CD1E: variants seen among roughly 807,000 people sequenced by gnomAD.
The protein encoded by CD1E is T-cell surface glycoprotein CD1e, membrane-associated.
A neutral mutation model predicts 40.1 loss-of-function variants in CD1E; 49 were observed. That is an observed-to-expected ratio of 1.22 (90% CI 0.97 to 1.55). CD1E has a LOEUF of 1.55. Among genes scored for constraint, CD1E ranks in the 40% most tolerant of loss-of-function variants. The pLI is 0.00. For synonymous variants in CD1E, 189 were observed against 178.3 expected (o/e 1.06, Z -0.48); for missense variants, 492 against 471.3 (o/e 1.04, Z -0.41).
chr1:158,354,504 G>T lies in CD1E; in HGVS notation c.186G>T (p.Leu62=), dbSNP rs1023975170. Residue 62 remains leucine (L), a synonymous_variant, in exon 2 of 6, where the codon CTG becomes CTT. Transcript: ENST00000368167. ...HSEGSGWLGD[L]QTHGWDTVLG... is the part of the protein sequence containing the mutation. ...AGGGCTCAGGATGGCTGGGTGACCT[G>T]CAGACTCATGGCTGGGACACTGTCT... 1.2e-6 allele frequency: 2 copies of T among 1,614,134 alleles called. No homozygotes were observed. The highest frequency in any genetic ancestry group is 2.7e-5 in the African/African-American group (2 of 75,036).
Position 158,356,924 on chromosome 1 carries a change from C to T in CD1E, c.*28C>T, listed in dbSNP as rs751930883. On this transcript the variant is annotated 3_prime_UTR_variant, in exon 6 of 6. Transcript: ENST00000368167. ...TTTGCTTTACCTTATACATAAAATC[C>T]TTGTCTGCATCTTCTTAAACACCGT... The T allele has an allele frequency of 1.3e-6, 2 of 1,595,402 alleles. No individual in the cohort carries two copies. Among genetic ancestry groups the T allele is most frequent in the East Asian group, 2.2e-5 (1 of 44,782 alleles).
chr1:158,356,835 T>G lies in CD1E; in HGVS notation c.1106T>G (p.Val369Gly). Residue 369 changes from valine (V) to glycine (G), a missense_variant, in exon 6 of 6, where the codon GTA becomes GGA. By Grantham distance (109) the Val-to-Gly change is moderately radical (BLOSUM62 -3). Transcript: ENST00000368167. Reference protein sequence around the residue: ...NSRHQFCLAQVSWIKNRVLKK... With the variant: ...NSRHQFCLAQGSWIKNRVLKK... ...AGACATCAGTTCTGCTTGGCACAAGTATCGTGGATCAAAAACAGAGTATTG... is the reference window on the plus strand; with the variant it reads ...AGACATCAGTTCTGCTTGGCACAAGGATCGTGGATCAAAAACAGAGTATTG... 1 of 1,614,040 alleles carries G rather than the reference T, an allele frequency of 6.2e-7. No homozygotes were observed. The highest frequency in any genetic ancestry group is 1.1e-5 in the South Asian group (1 of 91,066).
rs1290827450 is a variant in CD1E at position 158,355,521 on chromosome 1, T to C, written c.577T>C (p.Phe193Leu). 2 of 1,614,110 alleles carry C rather than the reference T, an allele frequency of 1.2e-6. No homozygotes were observed. Among genetic ancestry groups the C allele is most frequent in the Admixed American group, 1.7e-5 (1 of 60,018 alleles). ...QSLLGHTCPR[F>L]LAGLMEAGES... The stretch of plus-strand genomic sequence containing the variant: ...CCTTCTTGGTCACACCTGCCCTCGA[T>C]TTCTAGCGGGGCTCATGGAAGCAGG... The change falls in exon 3 of 6, where the codon TTT becomes CTT. Residue 193 changes from phenylalanine to leucine, a missense_variant. Transcript: ENST00000368167.
intron 1 of CD1E, 23 bp downstream of exon 1, chr1:158,354,069 GATACCT>G: frequency 6.2e-7 from 1 of 1,605,938 alleles, no homozygotes; most frequent in South Asian, 1.1e-5. Context: ...CAGGTGGAAA[GATACCT>G]ATGGTAGGGC....
chr1:158,355,775 G>C, intron 3 of CD1E, 52 bp from the exon 4 acceptor site: 3 of 1,552,722 alleles, frequency 1.9e-6, no homozygotes, highest in Non-Finnish European at 2.6e-6. Context: ...TCTGAGCTCT[G>C]GCCTGGGGTG....
At position 158,355,544 on chromosome 1, in the gene CD1E, A is replaced by G. The variant is rs1249132306; in HGVS notation, c.600A>G (p.Ala200=). 8 of 1,613,938 alleles carry G rather than the reference A, an allele frequency of 5.0e-6. No individual in the cohort carries two copies. In the African/African-American group the frequency reaches 9.3e-5, roughly 19 times the overall value. The change falls in exon 3 of 6, where the codon GCA becomes GCG. Residue 200 remains alanine (A), a synonymous_variant. Transcript: ENST00000368167. Reference sequence around the variant, plus strand: ...GATTTCTAGCGGGGCTCATGGAAGCAGGGGAGTCAGAACTGAAACGGAAAG... The same window carrying G: ...GATTTCTAGCGGGGCTCATGGAAGCGGGGGAGTCAGAACTGAAACGGAAAG... ...CPRFLAGLME[A]GESELKRKVK...
Position 158,353,945 on chromosome 1 carries a change from G to T in CD1E, c.-44G>T. The T allele has an allele frequency of 6.8e-7, 1 of 1,471,428 alleles. No individual in the cohort carries two copies. Among genetic ancestry groups the T allele is most frequent in the Non-Finnish European group, 9.5e-7 (1 of 1,050,006 alleles). 91.1% of individuals were successfully genotyped at this position (1,471,428 alleles called of 1,614,324 possible). ...AGGGGTACTGATATCTGAATTATTA[G>T]GGCAGGTGTCCTGCCAAGGAATCCC... On this transcript the variant is annotated 5_prime_UTR_variant, in exon 1 of 6. The change creates a new upstream start codon in the 5' untranslated region. Coordinates refer to ENST00000368167, the MANE Select transcript of CD1E (RefSeq NM_030893.4).
chr1:158,355,024 T>G lies in CD1E; in HGVS notation c.356-276T>G, dbSNP rs950632628. On this transcript the variant is annotated intron_variant, in intron 2 of 5. Coordinates refer to ENST00000368167, the MANE Select transcript of CD1E (RefSeq NM_030893.4). ...GCCTGAGTGTTGACATGGACTGGCC[T>G]GTACCTAACCACTTTCACGTGAATT... 5.3e-5 allele frequency among the ~76,000 whole-genome samples: 8 copies of G among 152,326 alleles called. 1 individual carries two copies. Among genetic ancestry groups the G allele is most frequent in the Admixed American group, 2.0e-4 (3 of 15,306 alleles).
At chr1:158,355,074 C>T (rs1653451531) in intron 2 of CD1E, among the ~76,000 whole-genome samples, 1 of 152,188 alleles carries the variant, frequency 6.6e-6, no homozygotes, top group Non-Finnish European at 1.5e-5. Flanking sequence ...TCCTATCTTC[C>T]TGATAGCCTT....
At chr1:158,355,168 C>A in intron 2 of CD1E, 132 bp from the exon 3 acceptor site, 3 of 819,862 alleles carry the variant, frequency 3.7e-6, no homozygotes, top group South Asian at 1.7e-5. Flanking sequence ...TTCCCCTTTG[C>A]CAGTAAACTC....
At chr1:158,354,825 C>T in intron 2 of CD1E, 152 bp downstream of exon 2, 1 of 660,626 alleles carries the variant, frequency 1.5e-6, no homozygotes, top group South Asian at 1.9e-5. Context: ...TCACCCTTCA[C>T]CACCACCCAC....
intron 2 of CD1E, among the ~76,000 whole-genome samples, chr1:158,354,902 C>T (rs1206277430): frequency 6.6e-6 from 1 of 152,152 alleles, no homozygotes; most frequent in East Asian, 1.9e-4. Context: ...TCATGTCTGG[C>T]TCTTTGGAAT....
Position 158,355,502 on chromosome 1 carries a change from T to C in CD1E, c.558T>C (p.Leu186=), listed in dbSNP as rs775615692. The change falls in exon 3 of 6, where the codon CTT becomes CTC. Residue 186 remains leucine, a synonymous_variant. Transcript: ENST00000368167. ...TTAAGGAAATACTGCAAAGCCTTCT[T>C]GGTCACACCTGCCCTCGATTTCTAG... ...LDIKEILQSL[L]GHTCPRFLAG... 3 of 1,614,170 alleles carry C rather than the reference T, an allele frequency of 1.9e-6. No individual in the cohort carries two copies. The highest frequency in any genetic ancestry group is 1.7e-6 in the Non-Finnish European group (2 of 1,180,022).
At chr1:158,355,660 T>C in intron 3 of CD1E, 91 bp downstream of exon 3, 1 of 1,463,764 alleles carries the variant, frequency 6.8e-7, no homozygotes, top group Non-Finnish European at 9.2e-7. Context: ...AAAGACATAG[T>C]GAGAGACTAG....
chr1:158,356,114 C>G lies in CD1E; in HGVS notation c.904+9C>G. On this transcript the variant is annotated intron_variant, in intron 4 of 5. Coordinates refer to ENST00000368167, the MANE Select transcript of CD1E (RefSeq NM_030893.4). ...TCTAATCATCCATTGGGGTGAGAAA[C>G]AGCTGAGGCTCTGCTGGGAAATAAT... The G allele has an allele frequency of 6.2e-7, 1 of 1,613,398 alleles. No individual in the cohort carries two copies. Among genetic ancestry groups the G allele is most frequent in the Non-Finnish European group, 8.5e-7 (1 of 1,179,630 alleles).
Position 158,354,682 on chromosome 1 carries a change from G to A in CD1E, c.355+9G>A, listed in dbSNP as rs146508949. 37 of 1,606,778 alleles carry A rather than the reference G, an allele frequency of 2.3e-5. No homozygotes were observed. The African/African-American group carries it at 3.6e-4, about 16-fold the overall frequency. ...TCAATTTCAGCTTGAATGTAAGTTCGTTGCTCTAAGCTGATAATTTGCCTG... is the reference window on the plus strand; with the variant it reads ...TCAATTTCAGCTTGAATGTAAGTTCATTGCTCTAAGCTGATAATTTGCCTG... On this transcript the variant is annotated intron_variant, in intron 2 of 5. Transcript: ENST00000368167.
At chr1:158,355,645 T>G in intron 3 of CD1E, 76 bp downstream of exon 3, 1 of 1,506,828 alleles carries the variant, frequency 6.6e-7, no homozygotes, top group East Asian at 2.4e-5. Context: ...CTCATCATCA[T>G]TTTGAAAGAC....
At chr1:158,356,253 G>A (rs1412518197) in intron 4 of CD1E, 148 bp downstream of exon 4, 1 of 1,006,718 alleles carries the variant, frequency 9.9e-7, no homozygotes, top group African/African-American at 1.6e-5. Context: ...TATGACAGTA[G>A]TTAAATTTTA....
rs1161265016 is a variant in CD1E, at chr1:158,356,932, C to T, written c.*36C>T. 5.1e-6 allele frequency: 8 copies of T among 1,573,774 alleles called. No homozygotes were observed. The East Asian group carries it at 1.3e-4, about 26-fold the overall frequency. ...ACCTTATACATAAAATCCTTGTCTGCATCTTCTTAAACACCGTCCATGTCC... is the reference window on the plus strand; with the variant it reads ...ACCTTATACATAAAATCCTTGTCTGTATCTTCTTAAACACCGTCCATGTCC... On this transcript the variant is annotated 3_prime_UTR_variant, in exon 6 of 6. Transcript: ENST00000368167.
Sources: allele counts gnomAD v4.1 joint callset (sites outside exome capture counted in the v4.1 genomes callset), GRCh38; gene constraint gnomAD v4.1.1; transcripts MANE v1.5; gene names NCBI Gene and HGNC (gene_info 2026-07-23, HGNC 2026-07-21).